Variants in NIBAN3 observed in about 807,000 individuals in gnomAD.
NIBAN3 encodes niban apoptosis regulator 3, also known as protein Niban 3.
A neutral mutation model predicts 76.4 loss-of-function variants in NIBAN3; 66 were observed. The ratio of observed to expected loss-of-function variants is 0.86; its 90% CI spans 0.71 to 1.06. The LOEUF is 1.06. NIBAN3 is among the 50% of genes least tolerant of loss of function. The pLI, the probability that NIBAN3 is intolerant of heterozygous loss-of-function variation, is 0.00. For missense variants in NIBAN3, 808 were observed against 810.7 expected (o/e 1.00, Z 0.04); for synonymous variants, 360 against 355.2 (o/e 1.01, Z -0.15).
chr19:17,534,562 C>A (rs1274957066), intron 4 of NIBAN3, among the ~76,000 whole-genome samples: 1 of 152,026 alleles, frequency 6.6e-6, no homozygotes. Context: ...GAGGCTGAGG[C>A]GGGCAGATCA....
In NIBAN3 at chr19:17,542,242, G is replaced by C; in HGVS notation, c.1277G>C (p.Gly426Ala). Reference protein sequence around the residue: ...GRLGQLAAPFGFLGMQSLVFG... With the variant: ...GRLGQLAAPFAFLGMQSLVFG... ...TTGGGGCAGCTGGCAGCACCGTTTG[G>C]CTTTCTGGGGATGCAGAGCCTCGTG... The change falls in exon 10 of 15, where the codon GGC (glycine) becomes GCC (alanine). Residue 426 changes from glycine to alanine, a missense_variant. Physicochemically the swap from Gly to Ala is moderately conservative, Grantham distance 60 (BLOSUM62 0). Coordinates refer to ENST00000599164, the MANE Select transcript of NIBAN3 (RefSeq NM_001321827.2). The surrounding 1 kb of genome is among the most constrained non-coding windows in gnomAD (Gnocchi z 4.8). 6.2e-7 allele frequency: 1 copy of C among 1,613,736 alleles called. No individual in the cohort carries two copies. The highest frequency in any genetic ancestry group is 8.5e-7 in the Non-Finnish European group (1 of 1,179,930).
chr19:17,541,524 T>C (rs988537492), intron 9 of NIBAN3, among the ~76,000 whole-genome samples: 1 of 152,172 alleles, frequency 6.6e-6, no homozygotes, highest in Non-Finnish European at 1.5e-5. Context: ...GAACATGAGA[T>C]GGTATTCACA....
intron 4 of NIBAN3, among the ~76,000 whole-genome samples, chr19:17,537,064 C>G (rs896738049): frequency 6.6e-6 from 1 of 152,180 alleles, no homozygotes; most frequent in African/African-American, 2.4e-5. Flanking sequence ...CCGGACGACT[C>G]AGATAACATC....
At chr19:17,544,474 G>A (rs1278458597) in intron 12 of NIBAN3, among the ~76,000 whole-genome samples, 2 of 152,234 alleles carry the variant, frequency 1.3e-5, no homozygotes, top group Non-Finnish European at 2.9e-5. Flanking sequence ...AGTGGAGGGA[G>A]GAGGTGGATG....
At chr19:17,554,061 TG>T (rs1254665293), downstream of NIBAN3, among the ~76,000 whole-genome samples, 3 of 151,964 alleles carry the variant, frequency 2.0e-5, no homozygotes, top group Admixed American at 6.6e-5. Flanking sequence ...TTAGAAGAGA[TG>T]GGGGCTTCAC....
At chr19:17,529,913 G>A (rs1288253481) in intron 1 of NIBAN3, among the ~76,000 whole-genome samples, 2 of 152,056 alleles carry the variant, frequency 1.3e-5, no homozygotes, top group East Asian at 3.8e-4. Context: ...AAAAAAATTA[G>A]CTGGGCATGG....
chr19:17,527,618 C>T (rs2075630296), intron 1 of NIBAN3, among the ~76,000 whole-genome samples: 1 of 152,254 alleles, frequency 6.6e-6, no homozygotes, highest in Non-Finnish European at 1.5e-5. Flanking sequence ...ATGATCGTGG[C>T]TCACTGCAAC....
intron 3 of NIBAN3, among the ~76,000 whole-genome samples, chr19:17,532,887 A>C (rs763137133): frequency 2.6e-4 from 40 of 151,846 alleles, no homozygotes; most frequent in Admixed American, 3.3e-4. Context: ...GGGAAAGGGA[A>C]GGAGGGAGAG....
intron 12 of NIBAN3, among the ~76,000 whole-genome samples, chr19:17,544,320 A>G (rs757028026): frequency 2.0e-4 from 31 of 152,216 alleles, no homozygotes; most frequent in Non-Finnish European, 4.0e-4. Flanking sequence ...CCATACCCTG[A>G]GCCCTGGAGC....
chr19:17,551,376 T>C (rs940464463), intron 14 of NIBAN3, among the ~76,000 whole-genome samples: 1 of 151,966 alleles, frequency 6.6e-6, no homozygotes, highest in Non-Finnish European at 1.5e-5. Context: ...ATTACAAGCG[T>C]GAGCCACTGC....
chr19:17,526,502 A>T (rs2075610081), upstream of NIBAN3, among the ~76,000 whole-genome samples: 1 of 150,750 alleles, frequency 6.6e-6, no homozygotes, highest in African/African-American at 2.4e-5. Flanking sequence ...AAAATTAGCC[A>T]GGCATGGTGG....
chr19:17,537,931 A>G (rs1156848355), intron 5 of NIBAN3, among the ~76,000 whole-genome samples: 1 of 147,300 alleles, frequency 6.8e-6, no homozygotes, highest in Non-Finnish European at 1.5e-5. Context: ...GGGCAACAAG[A>G]GCAAAACTCC....
chr19:17,549,715 T>C, intron 14 of NIBAN3, 188 bp downstream of exon 14: 1 of 653,932 alleles, frequency 1.5e-6, no homozygotes, highest in Non-Finnish European at 2.8e-6. Flanking sequence ...GTGGAGTGCA[T>C]CTGAGCCACA....
intron 1 of NIBAN3, among the ~76,000 whole-genome samples, chr19:17,528,449 C>T (rs2075649759): frequency 6.6e-6 from 1 of 152,084 alleles, no homozygotes; most frequent in Admixed American, 6.6e-5. Flanking sequence ...GGCAGGGGTT[C>T]AGGTGGGAGG....
At chr19:17,539,888 G>A (rs1029554754) in intron 8 of NIBAN3, 123 bp downstream of exon 8, 4 of 720,520 alleles carry the variant, frequency 5.6e-6, no homozygotes, top group Non-Finnish European at 8.6e-6. Flanking sequence ...AGAGAGGGGC[G>A]GGGCCAAGCA....
chr19:17,544,707 G>A (rs1377635864), intron 12 of NIBAN3, among the ~76,000 whole-genome samples: 1 of 152,216 alleles, frequency 6.6e-6, no homozygotes, highest in Non-Finnish European at 1.5e-5. Context: ...GTCAGCGGGA[G>A]TCCTAGGTAC....
At chr19:17,548,087 C>T (rs1048653998) in intron 13 of NIBAN3, among the ~76,000 whole-genome samples, 17 of 152,290 alleles carry the variant, frequency 1.1e-4, no homozygotes, top group South Asian at 2.1e-4. Context: ...TAGGAGCTCC[C>T]GAGCTGGGAA....
chr19:17,530,129 T>A (rs962431702), intron 1 of NIBAN3, among the ~76,000 whole-genome samples: 1 of 151,112 alleles, frequency 6.6e-6, no homozygotes, highest in Non-Finnish European at 1.5e-5. Context: ...CTGAGCAACA[T>A]GGCGAAACCT....
chr19:17,551,893 A>G lies in NIBAN3; in HGVS notation c.1858A>G (p.Ser620Gly). Residue 620 changes from serine (S) to glycine (G), a missense_variant, in exon 15 of 15, where the codon AGC becomes GGC. Physicochemically the swap from Ser to Gly is moderately conservative, Grantham distance 56 (BLOSUM62 0). Coordinates refer to ENST00000599164, the MANE Select transcript of NIBAN3 (RefSeq NM_001321827.2). ...CPPPSPGTFR[S>G] ...ACCGCCTTCTCCAGGAACATTCCGG[A>G]GCTGAATCTTCACCCACATCTATCT... 2 of 777,880 alleles carry G rather than the reference A, an allele frequency of 2.6e-6. No homozygotes were observed. The highest frequency in any genetic ancestry group is 4.8e-6 in the Non-Finnish European group (2 of 415,596). 48.2% of individuals were successfully genotyped at this position (777,880 alleles called of 1,614,324 possible).
Sources: gnomAD v4.1 joint callset for allele counts (sites outside exome capture counted in the v4.1 genomes callset) on GRCh38, gnomAD v4.1.1 for gene constraint, Gnocchi (gnomAD v3.1) non-coding constraint, MANE v1.5 for transcripts, NCBI Gene and HGNC (gene_info 2026-07-23, HGNC 2026-07-21) for gene names.